The following UBXN8 variants were observed in gnomAD, a reference collection of about 807,000 sequenced individuals.
UBXN8 encodes the protein UBX domain protein 8.
UBXN8 carries 27 observed loss-of-function variants against 32.1 expected under a neutral mutation model. That is an observed-to-expected ratio of 0.84 (90% CI 0.62 to 1.16). UBXN8 has a LOEUF of 1.16. UBXN8 is among the 50% of genes most tolerant of loss of function. UBXN8 has a pLI of 0.00. For missense variants in UBXN8, 306 were observed against 311.4 expected, an observed-to-expected ratio of 0.98 and a Z score of 0.13; for synonymous variants, 109 against 111.8, an observed-to-expected ratio of 0.98 and a Z score of 0.16.
At position 30,766,414 on chromosome 8, in the gene UBXN8, T is replaced by A. The variant is rs1333367914; in HGVS notation, c.*20T>A. ...AACTAGGAAAGAAGGGAGAGCTCCC[T>A]GTTTGCATGAAGTCAGTTATGCTAT... On this transcript the variant is annotated 3_prime_UTR_variant, in exon 8 of 8. Coordinates refer to ENST00000265616, the MANE Select transcript of UBXN8 (RefSeq NM_005671.4). 5 of 1,564,058 alleles carry A rather than the reference T, an allele frequency of 3.2e-6. No homozygotes were observed. Among genetic ancestry groups the A allele is most frequent in the Non-Finnish European group, 4.3e-6 (5 of 1,152,086 alleles).
At chr8:30,765,925 G>A (rs777596017) in intron 7 of UBXN8, among the ~76,000 whole-genome samples, 1 of 150,090 alleles carries the variant, frequency 6.7e-6, no homozygotes, top group Non-Finnish European at 1.5e-5. Flanking sequence ...CAGGAGAATC[G>A]CTTAAACCCA....
intron 7 of UBXN8, among the ~76,000 whole-genome samples, chr8:30,764,749 T>A (rs1180244194): frequency 1.3e-5 from 2 of 152,222 alleles, no homozygotes; most frequent in Non-Finnish European, 2.9e-5. Context: ...ACAGGGATTC[T>A]TAAAACTTTA....
chr8:30,732,408 A>G (rs1363079737), upstream of UBXN8: 1 of 394,576 alleles, frequency 2.5e-6, no homozygotes, highest in East Asian at 3.6e-5. Context: ...CGGGGAGTGC[A>G]GCCTGGGATC....
chr8:30,753,485 G>C (rs1013852767), intron 3 of UBXN8, among the ~76,000 whole-genome samples: 6 of 152,044 alleles, frequency 3.9e-5, no homozygotes, highest in Non-Finnish European at 7.4e-5. Context: ...TTAAACTCCT[G>C]ACCTCAGGTG....
rs1409483932 is a variant in UBXN8 at position 30,751,467 on chromosome 8, G to C, written c.160G>C (p.Val54Leu). ...LLALLTLTIS[V>L]TTSWLNSFKS... ...TGCTCTTCTTACTTTAACTATTTCT[G>C]TGACTACCTCATGGCTTAACTCATT... The change falls in exon 2 of 8, where the codon GTG (valine) becomes CTG (leucine). Residue 54 changes from valine to leucine, a missense_variant. Physicochemically the swap from Val to Leu is conservative, Grantham distance 32. Coordinates refer to ENST00000265616, the MANE Select transcript of UBXN8 (RefSeq NM_005671.4). The C allele has an allele frequency of 6.2e-7, 1 of 1,610,912 alleles. No individual in the cohort carries two copies. Among genetic ancestry groups the C allele is most frequent in the African/African-American group, 1.3e-5 (1 of 74,950 alleles).
upstream of UBXN8, chr8:30,732,398 C>CAG (rs4038109): frequency 0.22 from 85,215 of 395,720 alleles, 10,178 homozygotes; most frequent in African/African-American, 0.39. Flanking sequence ...TACTATCCGA[C>CAG]GGGGAGTGCA....
chr8:30,733,765 G>GCCTCC (rs1805019395), intron 1 of UBXN8: 1 of 152,244 alleles, frequency 6.6e-6, no homozygotes, highest in Admixed American at 6.5e-5. Context: ...TCTGGCCTCA[G>GCCTCC]CCTCCCGAGT....
At chr8:30,741,080 A>G (rs1411603186), upstream of UBXN8, among the ~76,000 whole-genome samples, 1 of 152,168 alleles carries the variant, frequency 6.6e-6, no homozygotes, top group African/African-American at 2.4e-5. Flanking sequence ...TGAAATCTCC[A>G]TATTGAAAAG....
intron 1 of UBXN8, among the ~76,000 whole-genome samples, chr8:30,749,925 T>G (rs957772187): frequency 1.3e-5 from 2 of 152,052 alleles, no homozygotes; most frequent in African/African-American, 4.8e-5. Context: ...ATTTTCAGTT[T>G]TATTTCTAGT....
intron 2 of UBXN8, among the ~76,000 whole-genome samples, chr8:30,751,936 C>A (rs1187243897): frequency 1.3e-5 from 2 of 150,616 alleles, no homozygotes; most frequent in Non-Finnish European, 3.0e-5. Context: ...ACTCTGTCAC[C>A]AGCTGGAGTG....
At chr8:30,765,922 A>G (rs1178289755) in intron 7 of UBXN8, among the ~76,000 whole-genome samples, 2 of 150,746 alleles carry the variant, frequency 1.3e-5, no homozygotes, top group Non-Finnish European at 2.9e-5. Flanking sequence ...AGGCAGGAGA[A>G]TCGCTTAAAC....
intron 4 of UBXN8, among the ~76,000 whole-genome samples, chr8:30,756,498 T>C (rs1190348641): frequency 6.6e-6 from 1 of 152,020 alleles, no homozygotes; most frequent in Non-Finnish European, 1.5e-5. Context: ...GCCAGGCTGG[T>C]CTTGAACTCC....
intron 6 of UBXN8, among the ~76,000 whole-genome samples, chr8:30,762,241 A>T (rs1805852747): frequency 6.6e-6 from 1 of 151,756 alleles, no homozygotes; most frequent in South Asian, 2.1e-4. Context: ...TTTTTAAATT[A>T]AAAAAAAATT....
intron 7 of UBXN8, 145 bp downstream of exon 7, chr8:30,763,492 T>A: frequency 1.3e-6 from 1 of 761,244 alleles, no homozygotes; most frequent in African/African-American, 1.7e-5. Flanking sequence ...GTACTCCACG[T>A]TGCAGAAATT....
chr8:30,765,092 A>T (rs2956013), intron 7 of UBXN8, among the ~76,000 whole-genome samples: 148,808 of 151,854 alleles, frequency 0.98, 72,983 homozygotes, highest in Middle Eastern at 1. Context: ...TTATTTTTTT[A>T]AAAATAGAAC....
chr8:30,760,963 AT>A (rs1805817272), intron 6 of UBXN8, 34 bp downstream of exon 6: 1 of 1,408,026 alleles, frequency 7.1e-7, no homozygotes, highest in Admixed American at 2.6e-5. Context: ...AATTAAACTT[AT>A]TTTCTATTTT....
At chr8:30,750,608 T>TA (rs1211713637) in intron 1 of UBXN8, among the ~76,000 whole-genome samples, 2 of 151,174 alleles carry the variant, frequency 1.3e-5, no homozygotes, top group Admixed American at 1.3e-4. Context: ...CCGTCTCTAC[T>TA]AAAAAATACA....
chr8:30,749,888 G>A (rs535126744), intron 1 of UBXN8, among the ~76,000 whole-genome samples: 8 of 152,086 alleles, frequency 5.3e-5, no homozygotes, highest in Non-Finnish European at 1.2e-4. Flanking sequence ...ACAGGTGTGA[G>A]CCACCACACC....
At chr8:30,763,852 A>T in intron 7 of UBXN8, among the ~76,000 whole-genome samples, 1 of 152,086 alleles carries the variant, frequency 6.6e-6, no homozygotes, top group African/African-American at 2.4e-5. Flanking sequence ...TTAGCCGGGC[A>T]TGGTGGCGGA....
Sources: gnomAD v4.1 joint callset for allele counts (sites outside exome capture counted in the v4.1 genomes callset) on GRCh38, gnomAD v4.1.1 for gene constraint, MANE v1.5 for transcripts, NCBI Gene and HGNC (gene_info 2026-07-23, HGNC 2026-07-21) for gene names.